The following MAX variants were observed in gnomAD, a reference collection of about 807,000 sequenced individuals.
The protein encoded by MAX is protein max.
MAX carries 3 observed loss-of-function variants against 22.3 expected under a neutral mutation model. The observed-to-expected ratio is 0.13, with a 90% CI of 0.06 to 0.35. The LOEUF (loss-of-function observed/expected upper bound fraction) is 0.35. MAX is among the 10% of genes least tolerant of loss of function. MAX has a pLI of 1.00. For synonymous variants in MAX, 72 were observed against 77.7 expected (o/e 0.93, Z 0.39); for missense variants, 119 against 209.4 (o/e 0.57, Z 2.66).
In MAX at chr14:65,076,496, G is replaced by C. The variant is rs2139739256; in HGVS notation, c.463C>G (p.Leu155Val). 1 of 1,613,728 alleles carries C rather than the reference G, an allele frequency of 6.2e-7. No individual in the cohort carries two copies. The highest frequency in any genetic ancestry group is 8.5e-7 in the Non-Finnish European group (1 of 1,180,030). Reference sequence around the variant, plus strand: ...GTGGCTTAGCTGGCCTCCATCCGGAGCTTCTTCCTGCTTTGGGGCTCTTCA... The same window carrying C: ...GTGGCTTAGCTGGCCTCCATCCGGACCTTCTTCCTGCTTTGGGGCTCTTCA... ...EPEEPQSRKKLRMEAS is the reference protein window; with the variant it reads ...EPEEPQSRKKVRMEAS The change falls in exon 5 of 5, where the codon CTC becomes GTC. Residue 155 changes from leucine (L) to valine (V), a missense_variant. This residue lies in a region of MAX where 95 missense variants were observed against 148.1 expected (regional missense o/e 0.64). Transcript: ENST00000358664. This position sits in a 1 kb window ranked among gnomAD's most constrained non-coding sequence, Gnocchi z 6.6.
In MAX at chr14:65,027,397, G is replaced by T. The variant is rs1050619887; in HGVS notation, c.172-21113C>A. 91 of 1,599,334 alleles carry T rather than the reference G, an allele frequency of 5.7e-5. No individual in the cohort carries two copies. The highest frequency in any genetic ancestry group is 7.7e-5 in the Non-Finnish European group (90 of 1,171,838). ...AGGCCTGGAATCTAGTGGGAATTTG[G>T]TGTTTTGACATGAATGCTCTCTGAC... On this transcript the variant is annotated intron_variant, in intron 3 of 3. Transcript: ENST00000341653. This position sits in a 1 kb window ranked among gnomAD's most constrained non-coding sequence, Gnocchi z 5.7.
At chr14:65,081,641 G>T (rs941599571) in intron 3 of MAX, among the ~76,000 whole-genome samples, 8 of 152,228 alleles carry the variant, frequency 5.3e-5, no homozygotes, top group Non-Finnish European at 1.0e-4. Flanking sequence ...TGATCAGATA[G>T]AACTTGGTAA....
In MAX at chr14:65,062,784, C is replaced by G. The variant is rs1019091621; in HGVS notation, c.171+30924G>C. 1 of 152,452 alleles carries G rather than the reference C, an allele frequency of 6.6e-6. No homozygotes were observed. Among genetic ancestry groups the G allele is most frequent in the African/African-American group, 2.4e-5 (1 of 41,444 alleles). 9.4% of individuals were successfully genotyped at this position (152,452 alleles called of 1,614,324 possible). A position where few individuals can be genotyped will look rare whatever the true frequency, so the allele number is the denominator to read the frequency against. On this transcript the variant is annotated intron_variant, in intron 3 of 3. Coordinates refer to the MAX transcript ENST00000341653. This position sits in a 1 kb window ranked among gnomAD's most constrained non-coding sequence, Gnocchi z 4.3. ...CACATCGGTGGTGACAGAGGAATGA[C>G]CGAGTTCCATCCTCACATGCCGTCT...
At chr14:65,064,049 A>G (rs1021554288) in intron 3 of MAX, among the ~76,000 whole-genome samples, 1 of 152,190 alleles carries the variant, frequency 6.6e-6, no homozygotes, top group Admixed American at 6.5e-5. Context: ...GCCAGACCCT[A>G]CAGGGAGCGG....
At chr14:65,053,635 C>CAAAAAAAAAAAAACA (rs1189039450) in intron 3 of MAX, among the ~76,000 whole-genome samples, 1 of 146,974 alleles carries the variant, frequency 6.8e-6, no homozygotes, top group Non-Finnish European at 1.5e-5. Flanking sequence ...TTAAAAAAAA[C>CAAAAAAAAAAAAACA]AAAAAAAAAC....
chr14:65,093,594 C>T lies in MAX; in HGVS notation c.171+114G>A. The T allele has an allele frequency of 1.4e-6, 1 of 730,280 alleles. No individual in the cohort carries two copies. Among genetic ancestry groups the T allele is most frequent in the Admixed American group, 1.9e-5 (1 of 51,362 alleles). The allele number at this position is 730,280 out of a possible 1,614,324, so 45.2% of individuals were successfully genotyped here. Reference sequence around the variant, plus strand: ...AACAGTCAAAAATAAGGCAACCATGCTACCTGAATATCTCTGACTACATTT... The same window carrying T: ...AACAGTCAAAAATAAGGCAACCATGTTACCTGAATATCTCTGACTACATTT... On this transcript the variant is annotated intron_variant, in intron 3 of 4. Coordinates refer to ENST00000358664, the MANE Select transcript of MAX (RefSeq NM_002382.5). This position sits in a 1 kb window ranked among gnomAD's most constrained non-coding sequence, Gnocchi z 4.4.
In MAX at chr14:65,044,545, C is replaced by A; in HGVS notation, c.172-38261G>T. The A allele has an allele frequency of 6.7e-7, 1 of 1,493,024 alleles. No homozygotes were observed. The highest frequency in any genetic ancestry group is 1.4e-5 in the South Asian group (1 of 71,160). 92.5% of individuals were successfully genotyped at this position (1,493,024 alleles called of 1,614,324 possible). On this transcript the variant is annotated intron_variant, in intron 3 of 3. Coordinates refer to the MAX transcript ENST00000341653. This position sits in a 1 kb window ranked among gnomAD's most constrained non-coding sequence, Gnocchi z 5.5. ...TTTTTTAGAGGGGTTGAAATGAGCTCTGTCTATCCTGGATTTTGAGTGCCC... is the reference window on the plus strand; with the variant it reads ...TTTTTTAGAGGGGTTGAAATGAGCTATGTCTATCCTGGATTTTGAGTGCCC...
intron 3 of MAX, among the ~76,000 whole-genome samples, chr14:65,059,888 C>T (rs538729931): frequency 4.2e-5 from 6 of 141,454 alleles, no homozygotes; most frequent in African/African-American, 1.7e-4. Context: ...GGTTAGAGTG[C>T]AGTGGCACAA....
In MAX at chr14:65,076,758, C is replaced by T. The variant is rs2063069429; in HGVS notation, c.296-95G>A. 6.7e-6 allele frequency: 10 copies of T among 1,494,984 alleles called. No individual in the cohort carries two copies. Among genetic ancestry groups the T allele is most frequent in the Admixed American group, 5.1e-5 (3 of 59,244 alleles). The allele number at this position is 1,494,984 out of a possible 1,614,324, so 92.6% of individuals were successfully genotyped here. A position where few individuals can be genotyped will look rare whatever the true frequency, so the allele number is the denominator to read the frequency against. On this transcript the variant is annotated intron_variant, in intron 4 of 4. Transcript: ENST00000358664. This position sits in a 1 kb window ranked among gnomAD's most constrained non-coding sequence, Gnocchi z 6.6. ...GGGTCCAGCCTGTTCTTCCTAAGGG[C>T]TTGCTTGTTGGCCCCCGAGGCTCAA...
Position 65,087,894 on chromosome 14 carries a change from G to A in MAX, c.171+5814C>T, listed in dbSNP as rs958735883. On this transcript the variant is annotated intron_variant, in intron 3 of 4. Coordinates refer to ENST00000358664, the MANE Select transcript of MAX (RefSeq NM_002382.5). The stretch of plus-strand genomic sequence containing the variant: ...TTGTAATTCCCATGTGTTGTGGCAG[G>A]AACTCGGTGGGAGGTAATTGAATCA... Among the ~76,000 whole-genome samples, 17 of 152,320 alleles carry A rather than the reference G, an allele frequency of 1.1e-4. No homozygotes were observed. The East Asian group carries it at 1.7e-3, about 16-fold the overall frequency.
In MAX at chr14:65,083,952, G is replaced by T; in HGVS notation, c.172-5916C>A. 15 of 1,378,120 alleles carry T rather than the reference G, an allele frequency of 1.1e-5. No homozygotes were observed. The South Asian group carries it at 2.1e-4, about 19-fold the overall frequency. The allele number at this position is 1,378,120 out of a possible 1,614,324, so 85.4% of individuals were successfully genotyped here. A position where few individuals can be genotyped will look rare whatever the true frequency, so the allele number is the denominator to read the frequency against. On this transcript the variant is annotated intron_variant, in intron 3 of 4. Transcript: ENST00000358664. ...ATAAATTTGGATCCACATTAAACTA[G>T]TTCATTCAAAAATGGAACCCCATCA...
intron 3 of MAX, among the ~76,000 whole-genome samples, chr14:65,087,334 A>C (rs954789106): frequency 4.6e-5 from 7 of 152,180 alleles, no homozygotes; most frequent in Non-Finnish European, 1.0e-4. Context: ...AGAATGGTAG[A>C]TCCACTGACT....
At chr14:65,006,956 G>A (rs1398096573) in intron 3 of MAX, among the ~76,000 whole-genome samples, 2 of 152,088 alleles carry the variant, frequency 1.3e-5, no homozygotes, top group African/African-American at 4.8e-5. Context: ...AAAAAAAAGT[G>A]TTCCTCCTGG....
chr14:65,032,795 T>A lies in MAX; in HGVS notation c.172-26511A>T. Reference sequence around the variant, plus strand: ...AAATGCAGAGGGACTTGGAAGGAAATACAAAAATCACAGGAGATCCATTAG... The same window carrying A: ...AAATGCAGAGGGACTTGGAAGGAAAAACAAAAATCACAGGAGATCCATTAG... On this transcript the variant is annotated intron_variant, in intron 3 of 3. Coordinates refer to the MAX transcript ENST00000341653. This position sits in a 1 kb window ranked among gnomAD's most constrained non-coding sequence, Gnocchi z 5.0. 1 of 1,169,102 alleles carries A rather than the reference T, an allele frequency of 8.6e-7. No homozygotes were observed. The highest frequency in any genetic ancestry group is 1.2e-6 in the Non-Finnish European group (1 of 847,330). The allele number at this position is 1,169,102 out of a possible 1,614,324, so 72.4% of individuals were successfully genotyped here.
intron 3 of MAX, among the ~76,000 whole-genome samples, chr14:65,055,131 T>C (rs2062703099): frequency 6.6e-6 from 1 of 152,248 alleles, no homozygotes; most frequent in Non-Finnish European, 1.5e-5. Flanking sequence ...CCCAGAATGC[T>C]CTGCCTCAGT....
At chr14:65,013,059 AG>A (rs2061708847) in intron 3 of MAX, among the ~76,000 whole-genome samples, 3 of 152,234 alleles carry the variant, frequency 2.0e-5, no homozygotes, top group Admixed American at 6.5e-5. Context: ...GAATGTGAAC[AG>A]GAAGTCTCCA....
At chr14:65,080,418 T>C (rs1276796937) in intron 3 of MAX, among the ~76,000 whole-genome samples, 2 of 152,194 alleles carry the variant, frequency 1.3e-5, no homozygotes, top group Non-Finnish European at 2.9e-5. Flanking sequence ...AAGGAGCACA[T>C]AATTAGAAGG....
intron 3 of MAX, among the ~76,000 whole-genome samples, chr14:65,016,882 A>C (rs1212349954): frequency 6.0e-5 from 9 of 151,012 alleles, no homozygotes. Context: ...CAGTTTCTGC[A>C]GTAACAGGAA....
intron 3 of MAX, among the ~76,000 whole-genome samples, chr14:65,025,016 G>T (rs1272025770): frequency 6.6e-6 from 1 of 152,168 alleles, no homozygotes; most frequent in Non-Finnish European, 1.5e-5. Context: ...ACAGCTGGTA[G>T]TTCATAGTCA....
Sources: gnomAD v4.1 joint callset for allele counts (sites outside exome capture counted in the v4.1 genomes callset) on GRCh38, gnomAD v4.1.1 for gene constraint, gnomAD v4.1.1 regional missense constraint, Gnocchi (gnomAD v3.1) non-coding constraint, MANE v1.5 for transcripts, NCBI Gene and HGNC (gene_info 2026-07-23, HGNC 2026-07-21) for gene names.